COL10A1: variants seen among roughly 807,000 people sequenced by gnomAD.
The protein encoded by COL10A1 is collagen type X alpha 1 chain, also known as collagen alpha-1(X) chain.
COL10A1 carries 10 observed loss-of-function variants against 18.2 expected under a neutral mutation model. The observed-to-expected ratio is 0.55, with a 90% CI of 0.34 to 0.93. The LOEUF (loss-of-function observed/expected upper bound fraction) is 0.93, where lower values mean the gene tolerates loss of function less well. COL10A1 is among the 40% of genes least tolerant of loss of function. The probability of loss-of-function intolerance (pLI) is 0.02; values close to 1 mark genes in which losing one functional copy is unlikely to be tolerated. For synonymous variants in COL10A1, 330 were observed against 316.6 expected (o/e 1.04, Z -0.45); for missense variants, 897 against 853.5 (o/e 1.05, Z -0.64).
intron 1 of COL10A1, among the ~76,000 whole-genome samples, chr6:116,133,206 A>C (rs1188324258): frequency 6.6e-6 from 1 of 152,106 alleles, no homozygotes; most frequent in Non-Finnish European, 1.5e-5. Context: ...AAAATATAGA[A>C]TGTCTTGGCC....
chr6:116,129,594 C>T (rs112946082), upstream of COL10A1, among the ~76,000 whole-genome samples: 56 of 152,324 alleles, frequency 3.7e-4, no homozygotes, highest in African/African-American at 1.3e-3. Context: ...CCATGCGATA[C>T]TACAGCATGA....
At chr6:116,156,577 A>G (rs1231544967) in intron 1 of COL10A1, among the ~76,000 whole-genome samples, 1 of 152,226 alleles carries the variant, frequency 6.6e-6, no homozygotes, top group Admixed American at 6.5e-5. Flanking sequence ...GATATATGAA[A>G]GAAAGCATAA....
the COL10A1 span, among the ~76,000 whole-genome samples, chr6:116,209,141 C>T: frequency 0.037 from 5,623 of 152,000 alleles, 158 homozygotes; most frequent in African/African-American, 0.073. Context: ...ACGTTACTGT[C>T]CCGTAGTTAT....
At chr6:116,151,719 T>C (rs1408973436) in intron 1 of COL10A1, among the ~76,000 whole-genome samples, 3 of 152,236 alleles carry the variant, frequency 2.0e-5, no homozygotes, top group Non-Finnish European at 4.4e-5. Flanking sequence ...TAATGGGAAT[T>C]AAGTATGTTC....
intron 1 of COL10A1, among the ~76,000 whole-genome samples, chr6:116,136,752 A>ATGTT (rs769744405): frequency 6.6e-6 from 1 of 152,246 alleles, no homozygotes; most frequent in Non-Finnish European, 1.5e-5. Context: ...CACAGATAAC[A>ATGTT]ATAAGCTATT....
At chr6:116,161,041 G>T (rs1333615760), upstream of COL10A1, among the ~76,000 whole-genome samples, 1 of 151,860 alleles carries the variant, frequency 6.6e-6, no homozygotes, top group Non-Finnish European at 1.5e-5. Context: ...GTCCTTTGTA[G>T]GGACATGGAT....
rs947184318 is a variant in COL10A1 at position 116,126,048 on chromosome 6, C to T, written c.-16+5G>A. 2.6e-5 allele frequency: 4 copies of T among 155,504 alleles called. No individual in the cohort carries two copies. The highest frequency in any genetic ancestry group is 9.6e-5 in the African/African-American group (4 of 41,460). 9.6% of individuals were successfully genotyped at this position (155,504 alleles called of 1,614,324 possible). A position where few individuals can be genotyped will look rare whatever the true frequency, so the allele number is the denominator to read the frequency against. Reference sequence around the variant, plus strand: ...ATGGAAGTCCACCAGTAAGCGTACGCTTACCTGCGTGCTGGGAGTTCCTGG... The same window carrying T: ...ATGGAAGTCCACCAGTAAGCGTACGTTTACCTGCGTGCTGGGAGTTCCTGG... On this transcript the variant is annotated splice_donor_5th_base_variant and intron_variant, in intron 1 of 2. Transcript: ENST00000651968.
the COL10A1 span, among the ~76,000 whole-genome samples, chr6:116,202,543 G>C: frequency 6.6e-6 from 1 of 151,764 alleles, no homozygotes; most frequent in Non-Finnish European, 1.5e-5. Flanking sequence ...AAAAACAAAG[G>C]CTATTTTCTT....
chr6:116,154,647 A>ATTTAATTAT (rs1780137414), intron 1 of COL10A1, among the ~76,000 whole-genome samples: 1 of 143,274 alleles, frequency 7.0e-6, no homozygotes. Flanking sequence ...GTAAACTTAC[A>ATTTAATTAT]GATTAATTTA....
At chr6:116,196,566 A>G in the COL10A1 span, among the ~76,000 whole-genome samples, 3 of 152,054 alleles carry the variant, frequency 2.0e-5, no homozygotes, top group Non-Finnish European at 4.4e-5. Flanking sequence ...AACTATTTGG[A>G]TGTTATTTTA....
At chr6:116,150,650 T>G (rs1342262403) in intron 1 of COL10A1, among the ~76,000 whole-genome samples, 1 of 152,190 alleles carries the variant, frequency 6.6e-6, no homozygotes, top group East Asian at 1.9e-4. Flanking sequence ...AGAGTGAGTT[T>G]TAGGTACTTT....
At chr6:116,145,752 AG>A (rs1779882956) in intron 1 of COL10A1, among the ~76,000 whole-genome samples, 1 of 152,234 alleles carries the variant, frequency 6.6e-6, no homozygotes, top group South Asian at 2.1e-4. Flanking sequence ...TTTCATTTCC[AG>A]ATACTTACCA....
chr6:116,151,168 G>A (rs1350575984), intron 1 of COL10A1, among the ~76,000 whole-genome samples: 1 of 152,038 alleles, frequency 6.6e-6, no homozygotes, highest in Non-Finnish European at 1.5e-5. Flanking sequence ...CAGCTATCTA[G>A]CCCATATTCC....
chr6:116,204,647 A>G, the COL10A1 span, among the ~76,000 whole-genome samples: 2 of 152,016 alleles, frequency 1.3e-5, no homozygotes, highest in African/African-American at 4.8e-5. Context: ...ATATGTATAC[A>G]TGGACTCAGA....
chr6:116,164,017 T>C, the COL10A1 span, among the ~76,000 whole-genome samples: 1 of 152,208 alleles, frequency 6.6e-6, no homozygotes, highest in Non-Finnish European at 1.5e-5. Context: ...TGACCAAGCA[T>C]ATTGTCAATT....
At chr6:116,201,198 G>A in the COL10A1 span, among the ~76,000 whole-genome samples, 1 of 151,972 alleles carries the variant, frequency 6.6e-6, no homozygotes, top group Non-Finnish European at 1.5e-5. Flanking sequence ...CAATACATGA[G>A]CAGATAAAAA....
intron 1 of COL10A1, among the ~76,000 whole-genome samples, chr6:116,132,231 T>G (rs975186035): frequency 6.6e-6 from 1 of 152,180 alleles, no homozygotes; most frequent in Non-Finnish European, 1.5e-5. Context: ...CAACAGGATA[T>G]GTTGTTTAGA....
At chr6:116,172,994 A>G in the COL10A1 span, among the ~76,000 whole-genome samples, 8 of 152,196 alleles carry the variant, frequency 5.3e-5, no homozygotes, top group Non-Finnish European at 5.9e-5. Context: ...ATTTTTTTAC[A>G]TAAGAAATTT....
At chr6:116,181,286 A>G in the COL10A1 span, among the ~76,000 whole-genome samples, 1 of 152,082 alleles carries the variant, frequency 6.6e-6, no homozygotes, top group Admixed American at 6.6e-5. Flanking sequence ...AATACAATGT[A>G]ATATAGATAC....
Sources: gnomAD v4.1 joint callset for allele counts (sites outside exome capture counted in the v4.1 genomes callset) on GRCh38, gnomAD v4.1.1 for gene constraint, MANE v1.5 for transcripts, NCBI Gene and HGNC (gene_info 2026-07-23, HGNC 2026-07-21) for gene names.